Variants in ADGRD1 observed in about 807,000 individuals in gnomAD.
The protein encoded by ADGRD1 is G-protein coupled receptor 133.
ADGRD1 carries 77 observed loss-of-function variants against 113.4 expected under a neutral mutation model. The ratio of observed to expected loss-of-function variants is 0.68; its 90% CI spans 0.57 to 0.82. The LOEUF (loss-of-function observed/expected upper bound fraction) is 0.82. Ranked by LOEUF, ADGRD1 falls within the 40% of genes least tolerant of loss-of-function variation. The probability of loss-of-function intolerance (pLI) is 0.00; values close to 1 mark genes in which losing one functional copy is unlikely to be tolerated. For synonymous variants in ADGRD1, 474 were observed against 475.0 expected, an observed-to-expected ratio of 1.00 and a Z score of 0.03; for missense variants, 1,036 against 1,139.1, an observed-to-expected ratio of 0.91 and a Z score of 1.30.
chr12:130,974,707 G>A (rs1467390554), intron 4 of ADGRD1, among the ~76,000 whole-genome samples: 1 of 152,074 alleles, frequency 6.6e-6, no homozygotes, highest in African/African-American at 2.4e-5. Context: ...TATTTTCAGC[G>A]ATTTTTTAAC....
intron 13 of ADGRD1, among the ~76,000 whole-genome samples, chr12:131,073,157 G>C (rs531912834): frequency 6.6e-6 from 1 of 152,192 alleles, no homozygotes; most frequent in Non-Finnish European, 1.5e-5. Context: ...GCTGGAACCA[G>C]GTTCTGAAAG....
chr12:131,028,947 G>A (rs571402969), intron 13 of ADGRD1, among the ~76,000 whole-genome samples: 12 of 152,308 alleles, frequency 7.9e-5, no homozygotes, highest in African/African-American at 2.6e-4. Context: ...CAGAAAGGTC[G>A]TAACCATTTA....
Position 130,971,678 on chromosome 12 carries a change from T to A in ADGRD1, c.310+98T>A. On this transcript the variant is annotated intron_variant, in intron 4 of 24. Coordinates refer to ENST00000261654, the MANE Select transcript of ADGRD1 (RefSeq NM_198827.5). This position sits in a 1 kb window ranked among gnomAD's most constrained non-coding sequence, Gnocchi z 4.2. ...GGAAGATGTGAACCTGAGGTTCTCATCAATTGCAGAATGCGTGAGAATGTC... is the reference window on the plus strand; with the variant it reads ...GGAAGATGTGAACCTGAGGTTCTCAACAATTGCAGAATGCGTGAGAATGTC... 2 of 1,326,364 alleles carry A rather than the reference T, an allele frequency of 1.5e-6. No individual in the cohort carries two copies. Among genetic ancestry groups the A allele is most frequent in the East Asian group, 2.5e-5 (1 of 40,522 alleles). 82.2% of individuals were successfully genotyped at this position (1,326,364 alleles called of 1,614,324 possible). A position where few individuals can be genotyped will look rare whatever the true frequency, so the allele number is the denominator to read the frequency against.
intron 13 of ADGRD1, among the ~76,000 whole-genome samples, chr12:131,074,762 G>C (rs963756568): frequency 6.6e-6 from 1 of 152,224 alleles, no homozygotes; most frequent in African/African-American, 2.4e-5. Context: ...AGTGGAGGCT[G>C]TGATGGAACC....
At chr12:131,029,859 G>A (rs775680308) in intron 13 of ADGRD1, among the ~76,000 whole-genome samples, 1 of 132,500 alleles carries the variant, frequency 7.5e-6, no homozygotes, top group Admixed American at 7.3e-5. Context: ...CCCCTCGTTC[G>A]GTGACATTCC....
At chr12:131,120,751 CT>C in intron 19 of ADGRD1, 95 bp from the exon 20 acceptor site, 1 of 1,190,158 alleles carries the variant, frequency 8.4e-7, no homozygotes, top group Non-Finnish European at 1.3e-6. Flanking sequence ...GACCCTGTAG[CT>C]GAGAAAGACA....
intron 12 of ADGRD1, among the ~76,000 whole-genome samples, chr12:131,011,829 G>A (rs1877941354): frequency 6.6e-6 from 1 of 152,214 alleles, no homozygotes; most frequent in African/African-American, 2.4e-5. Flanking sequence ...CGGGGCACTG[G>A]GCACAGAGAG....
chr12:131,138,116 G>A (rs550651092), intron 23 of ADGRD1, 21 bp from the exon 24 acceptor site: 44 of 1,608,900 alleles, frequency 2.7e-5, no homozygotes, highest in East Asian at 1.1e-4. Flanking sequence ...TTGCTCTCAC[G>A]ATCCCTTCCC....
intron 5 of ADGRD1, among the ~76,000 whole-genome samples, chr12:130,983,913 A>G (rs1310186929): frequency 6.6e-6 from 1 of 152,236 alleles, no homozygotes; most frequent in African/African-American, 2.4e-5. Flanking sequence ...GGGGGAATCA[A>G]CAGTCAAAGT....
Position 130,965,647 on chromosome 12 carries a change from CA to C in ADGRD1, c.104-815del. ...ATGGCATAACATGTTATGGGGCAGC[CA>C]CTCAAGAGACTGTTACCCAAACTCA... On this transcript the variant is annotated intron_variant, in intron 2 of 24. Transcript: ENST00000261654. This position sits in a 1 kb window ranked among gnomAD's most constrained non-coding sequence, Gnocchi z 4.8. 6.6e-6 allele frequency among the ~76,000 whole-genome samples: 1 copy of C among 152,278 alleles called. No homozygotes were observed. Among genetic ancestry groups the C allele is most frequent in the Non-Finnish European group, 1.5e-5 (1 of 68,032 alleles).
intron 20 of ADGRD1, among the ~76,000 whole-genome samples, chr12:131,130,885 C>T (rs1950905261): frequency 1.3e-5 from 2 of 152,152 alleles, no homozygotes. Context: ...CCTGTGAGGC[C>T]GGCGAGGTAG....
At chr12:131,098,170 G>C (rs1725822) in intron 15 of ADGRD1, among the ~76,000 whole-genome samples, 6 of 120,966 alleles carry the variant, frequency 5.0e-5, no homozygotes, top group East Asian at 8.1e-4. Context: ...TCCTTCTCCC[G>C]CAGTGGCTGC....
chr12:131,114,020 C>T (rs1264274628), intron 18 of ADGRD1, among the ~76,000 whole-genome samples: 1 of 152,202 alleles, frequency 6.6e-6, no homozygotes, highest in African/African-American at 2.4e-5. Flanking sequence ...CACTCACACT[C>T]TCCATAAGCC....
intron 9 of ADGRD1, among the ~76,000 whole-genome samples, chr12:131,001,212 A>G (rs1016687063): frequency 6.6e-6 from 1 of 152,250 alleles, no homozygotes; most frequent in African/African-American, 2.4e-5. Flanking sequence ...AGGTGCAGAA[A>G]AAAAGCTTCT....
intron 13 of ADGRD1, among the ~76,000 whole-genome samples, chr12:131,014,981 A>G (rs1878386315): frequency 6.6e-6 from 1 of 152,202 alleles, no homozygotes; most frequent in Admixed American, 6.5e-5. Context: ...GCTGTTCCCC[A>G]CGCCAGGTTC....
chr12:131,129,820 T>C (rs1391944389), intron 20 of ADGRD1, among the ~76,000 whole-genome samples: 26 of 152,246 alleles, frequency 1.7e-4, no homozygotes, highest in Non-Finnish European at 3.8e-4. Flanking sequence ...CAGTTTGACT[T>C]GGGGCACCTT....
At chr12:131,086,868 C>T (rs1019725860) in intron 15 of ADGRD1, among the ~76,000 whole-genome samples, 12 of 152,150 alleles carry the variant, frequency 7.9e-5, no homozygotes, top group African/African-American at 2.9e-4. Flanking sequence ...ATGGAGACTG[C>T]AGAGAGATGT....
chr12:131,048,858 A>AGGGAAAGGGCCTCCAGCTGT (rs1307069547), intron 13 of ADGRD1, among the ~76,000 whole-genome samples: 1 of 152,064 alleles, frequency 6.6e-6, no homozygotes, highest in African/African-American at 2.4e-5. Context: ...GAGACTGTGC[A>AGGGAAAGGGCCTCCAGCTGT]GGGAAAGGGC....
intron 21 of ADGRD1, among the ~76,000 whole-genome samples, chr12:131,134,554 T>C (rs530183167): frequency 6.6e-6 from 1 of 152,380 alleles, no homozygotes; most frequent in East Asian, 1.9e-4. Flanking sequence ...ATATTGTTGT[T>C]TCCCAGAAAC....
Sources: allele counts gnomAD v4.1 joint callset (sites outside exome capture counted in the v4.1 genomes callset), GRCh38; gene constraint gnomAD v4.1.1; non-coding constraint Gnocchi (gnomAD v3.1); transcripts MANE v1.5; gene names NCBI Gene and HGNC (gene_info 2026-07-23, HGNC 2026-07-21).